The following FGF13 variants were observed in gnomAD, a reference collection of about 807,000 sequenced individuals.
The protein encoded by FGF13 is fibroblast growth factor 13, also known as fibroblast growth factor homologous factor 2.
A neutral mutation model predicts 19.5 loss-of-function variants in FGF13; 2 were observed. That is an observed-to-expected ratio of 0.10 (90% CI 0.04 to 0.32). The LOEUF (loss-of-function observed/expected upper bound fraction) is 0.32, where lower values mean the gene tolerates loss of function less well. Ranked by LOEUF, FGF13 falls within the 10% of genes least tolerant of loss-of-function variation. FGF13 has a pLI of 1.00. For synonymous variants in FGF13, 72 were observed against 76.9 expected (o/e 0.94, Z 0.33); for missense variants, 113 against 192.7 (o/e 0.59, Z 2.45).
chrX:138,661,182 T>C (rs777130646), intron 3 of FGF13, among the ~76,000 whole-genome samples: 10 of 111,670 alleles, frequency 9.0e-5, no homozygotes, highest in African/African-American at 2.9e-4. Context: ...TCCCAAACCC[T>C]ATCACAGTTC....
At chrX:138,996,176 G>C (rs747948995) in intron 1 of FGF13, among the ~76,000 whole-genome samples, 1 of 112,386 alleles carries the variant, frequency 8.9e-6, no homozygotes, top group Admixed American at 9.4e-5. Context: ...CACTGGGACT[G>C]GTTGGACAGT....
chrX:139,074,426 G>T (rs763297569), intron 1 of FGF13, among the ~76,000 whole-genome samples: 76 of 111,924 alleles, frequency 6.8e-4, no homozygotes, highest in Non-Finnish European at 1.2e-3. Flanking sequence ...AAACCTGAAA[G>T]AAAATAAGCT....
chrX:138,865,479 TCTCTCTC>T (rs1480748173), intron 1 of FGF13, among the ~76,000 whole-genome samples: 16 of 96,793 alleles, frequency 1.7e-4, no homozygotes, highest in African/African-American at 3.5e-4. Context: ...CTCTCCTCTC[TCTCTCTC>T]CTCTCTCTCT....
At chrX:138,915,079 T>C (rs1034114100) in intron 1 of FGF13, among the ~76,000 whole-genome samples, 4 of 110,303 alleles carry the variant, frequency 3.6e-5, no homozygotes, top group Non-Finnish European at 7.5e-5. Context: ...CTGATAGCAG[T>C]TAGTGAATGG....
rs777289552 is a variant in FGF13, at chrX:138,631,709, A to AT, written c.*1140dup. The stretch of plus-strand genomic sequence containing the variant: ...TGCTATGTCCACTTTTGGAACACAG[A>AT]TTTTTAACAATTATGAATGCACAAA... On this transcript the variant is annotated 3_prime_UTR_variant, in exon 5 of 5. Coordinates refer to ENST00000315930, the MANE Select transcript of FGF13 (RefSeq NM_004114.5). 1.4e-4 allele frequency: 16 copies of AT among 112,688 alleles called. No homozygotes were observed. The highest frequency in any genetic ancestry group is 3.9e-4 in the African/African-American group (12 of 31,003). 9.3% of individuals were successfully genotyped at this position (112,688 alleles called of 1,213,427 possible).
At chrX:139,189,918 T>C (rs1428311083) in intron 1 of FGF13, among the ~76,000 whole-genome samples, 1 of 112,265 alleles carries the variant, frequency 8.9e-6, no homozygotes, top group Non-Finnish European at 1.9e-5. Context: ...CATGGTGTAT[T>C]GTCCTGAAGC....
chrX:138,734,071 T>C (rs1312560433), intron 1 of FGF13, among the ~76,000 whole-genome samples: 2 of 111,676 alleles, frequency 1.8e-5, no homozygotes. Context: ...ATATATTCCA[T>C]GTTCTATTCA....
chrX:139,053,238 C>T (rs2124414511), intron 1 of FGF13, among the ~76,000 whole-genome samples: 1 of 110,685 alleles, frequency 9.0e-6, no homozygotes, highest in African/African-American at 3.3e-5. Context: ...GTGTATATAT[C>T]ATATATCATT....
rs1378431658 is a variant in FGF13 at position 139,064,289 on chromosome X, T to C, written c.-113+139127A>G. ...CAGAGTTCTTTTTTTTTCTTTTTTT[T>C]TTTTTTTTTTTTTTTTTTTTTTTTG... On this transcript the variant is annotated intron_variant, in intron 1 of 2. Coordinates refer to the FGF13 transcript ENST00000421460. 1.5e-4 allele frequency among the ~76,000 whole-genome samples: 7 copies of C among 46,441 alleles called. 1 individual carries two copies. Among genetic ancestry groups the C allele is most frequent in the East Asian group, 6.4e-4 (1 of 1,572 alleles). The allele number at this position is 46,441 out of a possible 115,157, so 40.3% of individuals were successfully genotyped here.
At chrX:138,929,159 G>T (rs1368899588) in intron 1 of FGF13, among the ~76,000 whole-genome samples, 1 of 111,230 alleles carries the variant, frequency 9.0e-6, no homozygotes, top group Non-Finnish European at 1.9e-5. Flanking sequence ...ATCTCTGTTG[G>T]ATCCTCAAAC....
At chrX:138,635,072 AATGAT>A (rs1292066347) in intron 4 of FGF13, among the ~76,000 whole-genome samples, 1 of 112,480 alleles carries the variant, frequency 8.9e-6, no homozygotes, top group African/African-American at 3.2e-5. Context: ...CATAAAAAGA[AATGAT>A]ATGATATCTT....
intron 1 of FGF13, among the ~76,000 whole-genome samples, chrX:139,163,764 G>T (rs753984240): frequency 6.3e-5 from 7 of 110,963 alleles, no homozygotes; most frequent in South Asian, 3.8e-4. Context: ...TATTATTTGG[G>T]TTAATGTCTG....
At chrX:138,669,357 T>C (rs2089589038) in intron 3 of FGF13, among the ~76,000 whole-genome samples, 1 of 111,095 alleles carries the variant, frequency 9.0e-6, no homozygotes, top group Admixed American at 9.6e-5. Context: ...CCTACAGTTA[T>C]TGTAGTGAGT....
At chrX:138,911,589 C>CT (rs1384055450) in intron 1 of FGF13, among the ~76,000 whole-genome samples, 1 of 110,956 alleles carries the variant, frequency 9.0e-6, no homozygotes, top group African/African-American at 3.3e-5. Context: ...TATAACAAAC[C>CT]TGCACATGTA....
intron 1 of FGF13, among the ~76,000 whole-genome samples, chrX:139,106,129 A>C (rs948636616): frequency 8.9e-6 from 1 of 111,973 alleles, no homozygotes; most frequent in African/African-American, 3.2e-5. Context: ...TAATGCAAAA[A>C]TCTCTGAGTA....
chrX:139,179,554 G>A (rs1028738782), intron 1 of FGF13, among the ~76,000 whole-genome samples: 3 of 110,306 alleles, frequency 2.7e-5, no homozygotes, highest in African/African-American at 9.9e-5. Context: ...CTATGCCTTA[G>A]TTTATCAACT....
chrX:138,921,690 G>A (rs2091646020), intron 1 of FGF13, among the ~76,000 whole-genome samples: 1 of 111,204 alleles, frequency 9.0e-6, no homozygotes, highest in South Asian at 3.7e-4. Flanking sequence ...GGGGCAGCTT[G>A]ATTGCTATCC....
At chrX:139,097,522 T>A (rs888502016) in intron 1 of FGF13, among the ~76,000 whole-genome samples, 1 of 107,704 alleles carries the variant, frequency 9.3e-6, no homozygotes, top group Non-Finnish European at 1.9e-5. Context: ...AACCTACACA[T>A]GTACTCCCTG....
At chrX:138,837,264 T>G (rs1028607859) in intron 3 of FGF13, among the ~76,000 whole-genome samples, 1 of 111,759 alleles carries the variant, frequency 8.9e-6, no homozygotes, top group Non-Finnish European at 1.9e-5. Context: ...GCCTGAAGAC[T>G]GGAATGGTTA....
Sources: gnomAD v4.1 joint callset for allele counts (sites outside exome capture counted in the v4.1 genomes callset) on GRCh38, gnomAD v4.1.1 for gene constraint, MANE v1.5 for transcripts, NCBI Gene and HGNC (gene_info 2026-07-23, HGNC 2026-07-21) for gene names.